Variants in IL23A observed in about 807,000 individuals in gnomAD.
IL23A encodes the protein interleukin-23 subunit alpha.
A neutral mutation model predicts 20.7 loss-of-function variants in IL23A; 16 were observed. The ratio of observed to expected loss-of-function variants is 0.77; its 90% CI spans 0.52 to 1.17. IL23A has a LOEUF of 1.17. IL23A is among the 50% of genes most tolerant of loss of function. IL23A has a pLI of 0.00. For missense variants in IL23A, 175 were observed against 229.5 expected (o/e 0.76, Z 1.53); for synonymous variants, 80 against 88.7 (o/e 0.90, Z 0.55).
In IL23A at chr12:56,339,959, G is replaced by A; in HGVS notation, c.425G>A (p.Trp142Ter). The change falls in exon 4 of 4, where the codon TGG becomes TAG. Residue 142 changes from tryptophan to a stop codon, truncating the protein, a stop_gained. Transcript: ENST00000228534. LOFTEE classifies it high-confidence loss of function. ...TCCTTTCAGCCTGAGGGTCACCACT[G>A]GGAGACTCAGCAGATTCCAAGCCTC... is the stretch of plus-strand genomic sequence containing the variant. ...SQLLQPEGHH[W>*]ETQQIPSLSP... 1 of 1,614,162 alleles carries A rather than the reference G, an allele frequency of 6.2e-7. No homozygotes were observed. The highest frequency in any genetic ancestry group is 1.1e-5 in the South Asian group (1 of 91,088).
Position 56,339,437 on chromosome 12 carries a change from A to G in IL23A, c.174A>G (p.Glu58=). The change falls in exon 2 of 4, where the codon GAA becomes GAG. Residue 58 remains glutamate, a synonymous_variant. Coordinates refer to ENST00000228534, the MANE Select transcript of IL23A (RefSeq NM_016584.3). ...HPLVGHMDLR[E]EGDEETTNDV... is the part of the protein sequence containing the mutation. ...TTCCTTCATTCCAGGATCTAAGAGA[A>G]GAGGGAGATGAAGAGACTACAAATG... 6.2e-7 allele frequency: 1 copy of G among 1,607,816 alleles called. No homozygotes were observed. Among genetic ancestry groups the G allele is most frequent in the Non-Finnish European group, 8.5e-7 (1 of 1,174,296 alleles).
chr12:56,340,087 G>A lies in IL23A; in HGVS notation c.553G>A (p.Ala185Thr). 6.2e-7 allele frequency: 1 copy of A among 1,614,150 alleles called. No individual in the cohort carries two copies. Among genetic ancestry groups the A allele is most frequent in the Non-Finnish European group, 8.5e-7 (1 of 1,180,018 alleles). The change falls in exon 4 of 4, where the codon GCA becomes ACA. Residue 185 changes from alanine (A) to threonine (T), a missense_variant. Transcript: ENST00000228534. ...VAARVFAHGA[A>T]TLSP ...CGCCCGGGTCTTTGCCCATGGAGCA[G>A]CAACCCTGAGTCCCTAAAGGCAGCA...
At position 56,340,082 on chromosome 12, in the gene IL23A, G is replaced by T; in HGVS notation, c.548G>T (p.Gly183Val). Reference sequence around the variant, plus strand: ...GTAGCCGCCCGGGTCTTTGCCCATGGAGCAGCAACCCTGAGTCCCTAAAGG... The same window carrying T: ...GTAGCCGCCCGGGTCTTTGCCCATGTAGCAGCAACCCTGAGTCCCTAAAGG... ...VAVAARVFAH[G>V]AATLSP is the part of the protein sequence containing the mutation. Residue 183 changes from glycine to valine, a missense_variant, in exon 4 of 4, where the codon GGA becomes GTA. Transcript: ENST00000228534. The T allele has an allele frequency of 6.2e-7, 1 of 1,614,170 alleles. No homozygotes were observed. Among genetic ancestry groups the T allele is most frequent in the Non-Finnish European group, 8.5e-7 (1 of 1,180,036 alleles).
chr12:56,339,720 GA>G lies in IL23A; in HGVS notation c.292del (p.Ile98PhefsTer7). The stretch of plus-strand genomic sequence containing the variant: ...GCTTGCAAAGGATCCACCAGGGTCT[GA>G]TTTTTTATGAGAAGCTGCTAGGATC... ...FCLQRIHQGL[I>X]FYEKLLGSDI... is the part of the protein sequence containing the mutation. On this transcript the variant is annotated frameshift_variant, in exon 3 of 4. Transcript: ENST00000228534. LOFTEE classifies it high-confidence loss of function. 3 of 1,614,044 alleles carry G rather than the reference GA, an allele frequency of 1.9e-6. No homozygotes were observed. The highest frequency in any genetic ancestry group is 2.5e-6 in the Non-Finnish European group (3 of 1,179,978).
In IL23A at chr12:56,339,441, G is replaced by A. The variant is rs749208260; in HGVS notation, c.178G>A (p.Gly60Arg). 4 of 1,608,732 alleles carry A rather than the reference G, an allele frequency of 2.5e-6. No individual in the cohort carries two copies. The highest frequency in any genetic ancestry group is 2.7e-5 in the African/African-American group (2 of 74,802). ...LVGHMDLREEGDEETTNDVPH... is the reference protein window; with the variant it reads ...LVGHMDLREERDEETTNDVPH... ...TTCATTCCAGGATCTAAGAGAAGAGGGAGATGAAGAGACTACAAATGATGT... is the reference window on the plus strand; with the variant it reads ...TTCATTCCAGGATCTAAGAGAAGAGAGAGATGAAGAGACTACAAATGATGT... Residue 60 changes from glycine (G) to arginine (R), a missense_variant, in exon 2 of 4, where the codon GGA becomes AGA. Coordinates refer to ENST00000228534, the MANE Select transcript of IL23A (RefSeq NM_016584.3).
In IL23A at chr12:56,339,483, G is replaced by A. The variant is rs760945705; in HGVS notation, c.220G>A (p.Gly74Arg). 10 of 1,613,116 alleles carry A rather than the reference G, an allele frequency of 6.2e-6. No homozygotes were observed. The highest frequency in any genetic ancestry group is 8.5e-6 in the Non-Finnish European group (10 of 1,179,056). The change falls in exon 2 of 4, where the codon GGA (glycine) becomes AGA (arginine). Residue 74 changes from glycine to arginine, a missense_variant. Gly to Arg is a moderately radical substitution (Grantham distance 125). Transcript: ENST00000228534. ...AAATGATGTTCCCCATATCCAGTGT[G>A]GAGATGGCTGTGACCCCCAAGGACT... is the stretch of plus-strand genomic sequence containing the variant. ...TTNDVPHIQCGDGCDPQGLRD... is the reference protein window; with the variant it reads ...TTNDVPHIQCRDGCDPQGLRD...
rs777608040 is a variant in IL23A, at chr12:56,339,749, A to G, written c.320A>G (p.Asp107Gly). 3.7e-6 allele frequency: 6 copies of G among 1,614,060 alleles called. No homozygotes were observed. The South Asian group carries it at 6.6e-5, about 18-fold the overall frequency. Residue 107 changes from aspartate to glycine, a missense_variant, in exon 3 of 4, where the codon GAT (aspartate) becomes GGT (glycine). Coordinates refer to ENST00000228534, the MANE Select transcript of IL23A (RefSeq NM_016584.3). ...LIFYEKLLGS[D>G]IFTGEPSLLP... is the part of the protein sequence containing the mutation. ...TTTTATGAGAAGCTGCTAGGATCGG[A>G]TATTTTCACAGGGGAGCCTTCTCTG...
At position 56,339,162 on chromosome 12, in the gene IL23A, C is replaced by A. The variant is rs1479634872; in HGVS notation, c.118C>A (p.Leu40Ile). The change falls in exon 1 of 4, where the codon CTC (leucine) becomes ATC (isoleucine). Residue 40 changes from leucine (L) to isoleucine (I), a missense_variant. Physicochemically the swap from Leu to Ile is conservative, Grantham distance 5. Transcript: ENST00000228534. ...TCAGTGCCAGCAGCTTTCACAGAAGCTCTGCACACTGGCCTGGAGTGCACA... is the reference window on the plus strand; with the variant it reads ...TCAGTGCCAGCAGCTTTCACAGAAGATCTGCACACTGGCCTGGAGTGCACA... ...WTQCQQLSQK[L>I]CTLAWSAHPL... 1 of 1,575,586 alleles carries A rather than the reference C, an allele frequency of 6.3e-7. No homozygotes were observed. The highest frequency in any genetic ancestry group is 1.8e-5 in the Admixed American group (1 of 54,770).
chr12:56,339,641 A>T (rs753888175), intron 2 of IL23A, 50 bp from the exon 3 acceptor site: 2 of 1,608,324 alleles, frequency 1.2e-6, no homozygotes, highest in South Asian at 2.2e-5. Flanking sequence ...GTCTTCAGTG[A>T]ATGGAGTAGG....
At position 56,339,066 on chromosome 12, in the gene IL23A, ATGC is replaced by A; in HGVS notation, c.28_30del (p.Leu13del). ...AAAGATGCTGGGGAGCAGAGCTGTA[ATGC>A]TGCTGTTGCTGCTGCCCTGGACAGC... On this transcript the variant is annotated inframe_deletion, in exon 1 of 4. Transcript: ENST00000228534. 6.9e-7 allele frequency: 1 copy of A among 1,440,364 alleles called. No homozygotes were observed. The highest frequency in any genetic ancestry group is 9.2e-7 in the Non-Finnish European group (1 of 1,088,756). The allele number at this position is 1,440,364 out of a possible 1,614,324, so 89.2% of individuals were successfully genotyped here.
chr12:56,338,957 A>T lies in IL23A; in HGVS notation c.-88A>T. 1 of 1,125,550 alleles carries T rather than the reference A, an allele frequency of 8.9e-7. No homozygotes were observed. Among genetic ancestry groups the T allele is most frequent in the Non-Finnish European group, 1.2e-6 (1 of 852,246 alleles). 69.7% of individuals were successfully genotyped at this position (1,125,550 alleles called of 1,614,324 possible). On this transcript the variant is annotated 5_prime_UTR_variant, in exon 1 of 4. Coordinates refer to ENST00000228534, the MANE Select transcript of IL23A (RefSeq NM_016584.3). ...AGAGACGCGCTGAACAGAGAGAATC[A>T]GGCTCAAAGCAAGTGGAAGTGGGCA...
intron 1 of IL23A, 27 bp downstream of exon 1, chr12:56,339,233 A>G (rs202111407): frequency 6.5e-7 from 1 of 1,530,930 alleles, no homozygotes; most frequent in East Asian, 2.3e-5. Flanking sequence ...GGAGCCTAAC[A>G]GGAGTCCAGG....
chr12:56,339,565 T>G, intron 2 of IL23A, 41 bp downstream of exon 2: 2 of 1,585,654 alleles, frequency 1.3e-6, no homozygotes. Flanking sequence ...GAGAGGGGAC[T>G]GAGAACATGG....
chr12:56,339,746 C>A lies in IL23A; in HGVS notation c.317C>A (p.Ser106Ter), dbSNP rs201997002. 6.2e-7 allele frequency: 1 copy of A among 1,614,000 alleles called. No homozygotes were observed. Among genetic ancestry groups the A allele is most frequent in the Non-Finnish European group, 8.5e-7 (1 of 1,179,980 alleles). The change falls in exon 3 of 4, where the codon TCG (serine) becomes TAG (stop). Residue 106 changes from serine to a stop codon, truncating the protein, a stop_gained. Coordinates refer to ENST00000228534, the MANE Select transcript of IL23A (RefSeq NM_016584.3). LOFTEE classifies it high-confidence loss of function. Reference protein sequence around the residue: ...GLIFYEKLLGSDIFTGEPSLL... With the variant: ...GLIFYEKLLG ...ATTTTTTATGAGAAGCTGCTAGGAT[C>A]GGATATTTTCACAGGGGAGCCTTCT...
Position 56,339,414 on chromosome 12 carries a change from C to T in IL23A, c.163-12C>T. The stretch of plus-strand genomic sequence containing the variant: ...TACTTCTTCATTCTTTCCACCTCTT[C>T]CTTCATTCCAGGATCTAAGAGAAGA... On this transcript the variant is annotated splice_polypyrimidine_tract_variant and intron_variant, in intron 1 of 3. Transcript: ENST00000228534. 1 of 1,578,892 alleles carries T rather than the reference C, an allele frequency of 6.3e-7. No individual in the cohort carries two copies. Among genetic ancestry groups the T allele is most frequent in the Admixed American group, 1.7e-5 (1 of 59,992 alleles).
rs201046773 is a variant in IL23A at position 56,339,529 on chromosome 12, C to T, written c.261+5C>T. 5.0e-6 allele frequency: 8 copies of T among 1,603,560 alleles called. No individual in the cohort carries two copies. The highest frequency in any genetic ancestry group is 6.8e-6 in the Non-Finnish European group (8 of 1,170,392). On this transcript the variant is annotated splice_donor_5th_base_variant and intron_variant, in intron 2 of 3. Coordinates refer to ENST00000228534, the MANE Select transcript of IL23A (RefSeq NM_016584.3). ...GGACTCAGGGACAACAGTCAGGTACCACTGGGATGTGGCTGGGCAATGAAG... is the reference window on the plus strand; with the variant it reads ...GGACTCAGGGACAACAGTCAGGTACTACTGGGATGTGGCTGGGCAATGAAG...
In IL23A at chr12:56,338,934, A is replaced by C; in HGVS notation, c.-111A>C. Reference sequence around the variant, plus strand: ...TGAACAACTGAGGGAACCAAACCAGAGACGCGCTGAACAGAGAGAATCAGG... The same window carrying C: ...TGAACAACTGAGGGAACCAAACCAGCGACGCGCTGAACAGAGAGAATCAGG... On this transcript the variant is annotated 5_prime_UTR_variant, in exon 1 of 4. Transcript: ENST00000228534. The C allele has an allele frequency of 1.1e-6, 1 of 893,928 alleles. No individual in the cohort carries two copies. Among genetic ancestry groups the C allele is most frequent in the Non-Finnish European group, 1.5e-6 (1 of 657,142 alleles). 55.4% of individuals were successfully genotyped at this position (893,928 alleles called of 1,614,324 possible). A position where few individuals can be genotyped will look rare whatever the true frequency, so the allele number is the denominator to read the frequency against.
Position 56,339,790 on chromosome 12 carries a change from G to A in IL23A, c.361G>A (p.Val121Met). Residue 121 changes from valine (V) to methionine (M), a missense_variant, in exon 3 of 4, where the codon GTG becomes ATG. Val to Met is a conservative substitution (Grantham distance 21). Transcript: ENST00000228534. ...GEPSLLPDSP[V>M]GQLHASLLGL... is the part of the protein sequence containing the mutation. Reference sequence around the variant, plus strand: ...GCCTTCTCTGCTCCCTGATAGCCCTGTGGGCCAGCTTCATGCCTCCCTACT... The same window carrying A: ...GCCTTCTCTGCTCCCTGATAGCCCTATGGGCCAGCTTCATGCCTCCCTACT... 1 of 1,613,978 alleles carries A rather than the reference G, an allele frequency of 6.2e-7. No individual in the cohort carries two copies. The highest frequency in any genetic ancestry group is 1.6e-4 in the Middle Eastern group (1 of 6,062).
rs1876433272 is a variant in IL23A at position 56,339,948 on chromosome 12, G to T, written c.414G>T (p.Glu138Asp). 6.2e-7 allele frequency: 1 copy of T among 1,614,000 alleles called. No homozygotes were observed. Among genetic ancestry groups the T allele is most frequent in the Non-Finnish European group, 8.5e-7 (1 of 1,180,022 alleles). ...LLGLSQLLQP[E>D]GHHWETQQIP... The stretch of plus-strand genomic sequence containing the variant: ...TGTGTCCTATGTCCTTTCAGCCTGA[G>T]GGTCACCACTGGGAGACTCAGCAGA... The change falls in exon 4 of 4, where the codon GAG (glutamate) becomes GAT (aspartate). Residue 138 changes from glutamate (E) to aspartate (D), a missense_variant. Coordinates refer to ENST00000228534, the MANE Select transcript of IL23A (RefSeq NM_016584.3).
Sources: allele counts gnomAD v4.1 joint callset, GRCh38; gene constraint gnomAD v4.1.1; transcripts MANE v1.5; gene names NCBI Gene and HGNC (gene_info 2026-07-23, HGNC 2026-07-21).